Variants in SGPP2 observed in about 807,000 individuals in gnomAD.
SGPP2 encodes the protein sphingosine 1-phosphate phosphohydrolase 2.
A neutral mutation model predicts 33.9 loss-of-function variants in SGPP2; 30 were observed. That is an observed-to-expected ratio of 0.89 (90% CI 0.66 to 1.20). SGPP2 has a LOEUF of 1.20. SGPP2 is among the 50% of genes most tolerant of loss of function. The pLI, the probability that SGPP2 is intolerant of heterozygous loss-of-function variation, is 0.00. For missense variants in SGPP2, 458 were observed against 532.1 expected (o/e 0.86, Z 1.37); for synonymous variants, 233 against 225.0 (o/e 1.04, Z -0.32).
intron 2 of SGPP2, among the ~76,000 whole-genome samples, chr2:222,518,678 A>G (rs1001731746): frequency 1.3e-5 from 2 of 152,192 alleles, no homozygotes; most frequent in Non-Finnish European, 2.9e-5. Context: ...GAGTGAGCTG[A>G]TTTCCAGGAG....
chr2:222,459,437 A>T (rs1697626049), intron 1 of SGPP2, among the ~76,000 whole-genome samples: 1 of 152,172 alleles, frequency 6.6e-6, no homozygotes, highest in Admixed American at 6.5e-5. Context: ...GGCATGAGCC[A>T]CCACATCTAG....
At chr2:222,548,469 C>T (rs569373919) in intron 4 of SGPP2, among the ~76,000 whole-genome samples, 11 of 152,334 alleles carry the variant, frequency 7.2e-5, no homozygotes, top group African/African-American at 2.4e-4. Context: ...TTTTCAAAGT[C>T]TTCTCTTTCC....
In SGPP2 at chr2:222,558,741, A is replaced by G; in HGVS notation, c.1043A>G (p.Gln348Arg). 1 of 1,614,144 alleles carries G rather than the reference A, an allele frequency of 6.2e-7. No homozygotes were observed. Among genetic ancestry groups the G allele is most frequent in the African/African-American group, 1.3e-5 (1 of 75,028 alleles). ...CAGCTTGTACAAAATCTCTCACTGC[A>G]AGTATTATACTCATGGTTCAAGGTG... Reference protein sequence around the residue: ...VRQLVQNLSLQVLYSWFKVVT... With the variant: ...VRQLVQNLSLRVLYSWFKVVT... The change falls in exon 5 of 5, where the codon CAA becomes CGA. Residue 348 changes from glutamine (Q) to arginine (R), a missense_variant. By Grantham distance (43) the Gln-to-Arg change is conservative. Transcript: ENST00000321276.
intron 1 of SGPP2, among the ~76,000 whole-genome samples, chr2:222,439,753 G>A (rs925833251): frequency 6.6e-6 from 1 of 152,162 alleles, no homozygotes; most frequent in Non-Finnish European, 1.5e-5. Context: ...AAATTATAAA[G>A]GTGATAAACA....
At chr2:222,508,041 G>T (rs771299585) in intron 2 of SGPP2, among the ~76,000 whole-genome samples, 5 of 152,130 alleles carry the variant, frequency 3.3e-5, no homozygotes, top group Non-Finnish European at 7.4e-5. Context: ...GGAGTCATTT[G>T]GATGTGATGT....
intron 2 of SGPP2, among the ~76,000 whole-genome samples, chr2:222,505,215 C>T (rs185737970): frequency 5.5e-4 from 83 of 152,266 alleles, no homozygotes; most frequent in African/African-American, 1.8e-3. Flanking sequence ...CGGCTTATTG[C>T]AAGAGCTGGG....
chr2:222,531,830 G>C (rs954166413), intron 4 of SGPP2, among the ~76,000 whole-genome samples: 5 of 152,062 alleles, frequency 3.3e-5, no homozygotes, highest in Non-Finnish European at 1.5e-5. Flanking sequence ...TGCTAGATAT[G>C]TGCATGCCCC....
chr2:222,440,592 C>A (rs955333194), intron 1 of SGPP2, among the ~76,000 whole-genome samples: 1 of 152,120 alleles, frequency 6.6e-6, no homozygotes, highest in African/African-American at 2.4e-5. Flanking sequence ...CTGCCCACCT[C>A]AGCCTCCCAA....
chr2:222,467,779 T>C (rs1697767863), intron 1 of SGPP2, among the ~76,000 whole-genome samples: 2 of 149,442 alleles, frequency 1.3e-5, no homozygotes, highest in South Asian at 4.3e-4. Context: ...GTGTAGATTT[T>C]ATCTCTCTCA....
intron 1 of SGPP2, among the ~76,000 whole-genome samples, chr2:222,466,584 C>T (rs1258450334): frequency 2.6e-5 from 4 of 152,058 alleles, no homozygotes; most frequent in South Asian, 4.2e-4. Flanking sequence ...GAAAACATAA[C>T]GACAGTTGTT....
chr2:222,530,526 A>G (rs1179453131), intron 4 of SGPP2, among the ~76,000 whole-genome samples: 1 of 152,176 alleles, frequency 6.6e-6, no homozygotes, highest in Non-Finnish European at 1.5e-5. Context: ...CTTAAACCTC[A>G]TGAACCAAAT....
At chr2:222,493,260 C>T (rs530270756) in intron 2 of SGPP2, among the ~76,000 whole-genome samples, 3 of 152,298 alleles carry the variant, frequency 2.0e-5, no homozygotes, top group African/African-American at 7.2e-5. Flanking sequence ...GGGAAGGCCC[C>T]AGGAAACTCA....
rs147387779 is a variant in SGPP2, at chr2:222,436,477, C to G, written c.219+11656C>G. Among the ~76,000 whole-genome samples the G allele has an allele frequency of 2.8e-3, 431 of 152,254 alleles. 3 individuals are homozygous for G. The highest frequency in any genetic ancestry group is 1.0e-2 in the African/African-American group (415 of 41,532). On this transcript the variant is annotated intron_variant, in intron 1 of 4. Transcript: ENST00000321276. ...CCCCAGCCCTGTAAACTATTGTCACCTAGTTGGCATTGTAATTGTGACTTC... is the reference window on the plus strand; with the variant it reads ...CCCCAGCCCTGTAAACTATTGTCACGTAGTTGGCATTGTAATTGTGACTTC...
At chr2:222,516,363 C>T (rs1004664512) in intron 2 of SGPP2, among the ~76,000 whole-genome samples, 3 of 152,152 alleles carry the variant, frequency 2.0e-5, no homozygotes, top group Admixed American at 6.5e-5. Flanking sequence ...ATAGTTTATT[C>T]ATTTTTGTTG....
intron 2 of SGPP2, among the ~76,000 whole-genome samples, chr2:222,518,597 C>T (rs1698639939): frequency 1.3e-5 from 2 of 152,154 alleles, no homozygotes; most frequent in South Asian, 4.1e-4. Flanking sequence ...GCCAGTTTTT[C>T]AACTCCCCAG....
rs1689396514 is a variant in SGPP2, at chr2:222,556,205, G to A, written c.649-2142G>A. ...ATGTGTAGAAAACCCAAAGAGTTTG[G>A]CTCAATTTTGGTAACCAAGAAGCCT... On this transcript the variant is annotated intron_variant, in intron 4 of 4. Coordinates refer to ENST00000321276, the MANE Select transcript of SGPP2 (RefSeq NM_152386.4). 3.3e-5 allele frequency among the ~76,000 whole-genome samples: 5 copies of A among 152,074 alleles called. No individual in the cohort carries two copies. The South Asian group carries it at 1.0e-3, about 32-fold the overall frequency.
At chr2:222,506,940 G>C (rs1698454223) in intron 2 of SGPP2, among the ~76,000 whole-genome samples, 2 of 152,076 alleles carry the variant, frequency 1.3e-5, no homozygotes, top group Non-Finnish European at 2.9e-5. Flanking sequence ...GGCAGAATCT[G>C]GAAGGTGGTT....
At chr2:222,440,541 CCAT>C (rs1296875511) in intron 1 of SGPP2, among the ~76,000 whole-genome samples, 1 of 151,996 alleles carries the variant, frequency 6.6e-6, no homozygotes, top group African/African-American at 2.4e-5. Context: ...TAGGGTTTCA[CCAT>C]ATTGGTCAGG....
chr2:222,462,400 A>T (rs1484836005), intron 1 of SGPP2, among the ~76,000 whole-genome samples: 2 of 151,974 alleles, frequency 1.3e-5, no homozygotes, highest in Non-Finnish European at 2.9e-5. Context: ...GGGTGACAAG[A>T]CTCATGCTCA....
Sources: gnomAD v4.1 joint callset for allele counts (sites outside exome capture counted in the v4.1 genomes callset) on GRCh38, gnomAD v4.1.1 for gene constraint, MANE v1.5 for transcripts, NCBI Gene and HGNC (gene_info 2026-07-23, HGNC 2026-07-21) for gene names.